Variants in DNM3 observed in about 807,000 individuals in gnomAD.
The protein encoded by DNM3 is dynamin 3.
In DNM3, 47 loss-of-function variants were observed where a neutral mutation model predicts 101.6. The ratio of observed to expected loss-of-function variants is 0.46; its 90% CI spans 0.37 to 0.59. The LOEUF (loss-of-function observed/expected upper bound fraction) is 0.59, where lower values mean the gene tolerates loss of function less well. Ranked by LOEUF, DNM3 falls within the 20% of genes least tolerant of loss-of-function variation. The pLI, the probability that DNM3 is intolerant of heterozygous loss-of-function variation, is 0.00. For synonymous variants in DNM3, 385 were observed against 387.9 expected (o/e 0.99, Z 0.09); for missense variants, 849 against 1,085.7 (o/e 0.78, Z 3.06).
intron 10 of DNM3, among the ~76,000 whole-genome samples, chr1:172,064,211 G>A (rs1030633735): frequency 6.6e-5 from 10 of 152,022 alleles, no homozygotes; most frequent in African/African-American, 2.4e-4. Flanking sequence ...GAGGAATAAA[G>A]GCCTAAAGAC....
At chr1:172,266,728 C>G (rs1014600563) in intron 15 of DNM3, among the ~76,000 whole-genome samples, 1 of 152,112 alleles carries the variant, frequency 6.6e-6, no homozygotes, top group African/African-American at 2.4e-5. Context: ...ACCCACACCC[C>G]CCTTGGAGTG....
At chr1:171,853,175 T>C (rs2033176244) in intron 1 of DNM3, among the ~76,000 whole-genome samples, 1 of 152,080 alleles carries the variant, frequency 6.6e-6, no homozygotes, top group Admixed American at 6.6e-5. Flanking sequence ...TTATTCTTTT[T>C]TTTTTTGAGA....
chr1:172,044,508 G>A, intron 9 of DNM3, 56 bp downstream of exon 9: 1 of 1,427,898 alleles, frequency 7.0e-7, no homozygotes. Context: ...GAAAATTAAT[G>A]TTTATAAATG....
chr1:172,104,884 T>C (rs2054900565), intron 13 of DNM3, among the ~76,000 whole-genome samples: 1 of 152,202 alleles, frequency 6.6e-6, no homozygotes, highest in Non-Finnish European at 1.5e-5. Context: ...GCTAAGAGCA[T>C]AGAATCTGCA....
chr1:171,954,756 G>A (rs985151371), intron 2 of DNM3, among the ~76,000 whole-genome samples: 1 of 152,152 alleles, frequency 6.6e-6, no homozygotes, highest in African/African-American at 2.4e-5. Context: ...GGAGATGGAG[G>A]ATTTTTAATG....
At chr1:172,293,146 A>C (rs1366774821) in intron 15 of DNM3, among the ~76,000 whole-genome samples, 2 of 152,250 alleles carry the variant, frequency 1.3e-5, no homozygotes, top group Non-Finnish European at 2.9e-5. Flanking sequence ...TGATTCAATA[A>C]TTGTGCAAAG....
At chr1:172,047,724 T>G (rs577530229) in intron 9 of DNM3, among the ~76,000 whole-genome samples, 1 of 151,976 alleles carries the variant, frequency 6.6e-6, no homozygotes, top group Non-Finnish European at 1.5e-5. Flanking sequence ...CAAGTCAAGA[T>G]AGTATAAGGG....
Position 172,347,196 on chromosome 1 carries a change from C to T in DNM3, c.1893+23856C>T, listed in dbSNP as rs574324116. ...CACCCTCAGAGGAACTAGCAGAAGC[C>T]CCCCCCGCCAAAAAAAATTATTTCC... On this transcript the variant is annotated intron_variant, in intron 17 of 20. Transcript: ENST00000627582. Among the ~76,000 whole-genome samples, 32 of 146,562 alleles carry T rather than the reference C, an allele frequency of 2.2e-4. 1 individual carries two copies. In the East Asian group the frequency reaches 4.6e-3, roughly 21 times the overall value.
intron 9 of DNM3, among the ~76,000 whole-genome samples, chr1:172,044,989 A>C: frequency 9.1e-6 from 1 of 110,090 alleles, no homozygotes; most frequent in East Asian, 2.8e-4. Context: ...AGAGGATGGA[A>C]GGATGGAATG....
intron 13 of DNM3, among the ~76,000 whole-genome samples, chr1:172,128,608 T>G (rs186177300): frequency 8.9e-4 from 136 of 152,344 alleles, no homozygotes; most frequent in African/African-American, 2.6e-3. Context: ...TGTTTTAAAT[T>G]AATGAGATAT....
chr1:171,920,278 T>C (rs906927147), intron 1 of DNM3, among the ~76,000 whole-genome samples: 6 of 152,240 alleles, frequency 3.9e-5, no homozygotes, highest in Non-Finnish European at 8.8e-5. Context: ...CTGCTGTTCA[T>C]TGAAATCCCA....
chr1:171,994,173 T>A (rs1333768500), intron 4 of DNM3, among the ~76,000 whole-genome samples: 1 of 152,144 alleles, frequency 6.6e-6, no homozygotes, highest in East Asian at 1.9e-4. Context: ...TATCTTAAAA[T>A]TTTTTTGTTG....
intron 20 of DNM3, chr1:172,418,254 T>C (rs1188823299): frequency 1.6e-6 from 2 of 1,271,548 alleles, no homozygotes; most frequent in Non-Finnish European, 2.1e-6. Context: ...TTTGTTATTT[T>C]GTTTTGTTTT....
At chr1:172,034,861 T>C (rs2048847992) in intron 6 of DNM3, among the ~76,000 whole-genome samples, 1 of 152,092 alleles carries the variant, frequency 6.6e-6, no homozygotes, top group South Asian at 2.1e-4. Flanking sequence ...ATGTAGGCAG[T>C]GGCTGAATCC....
At chr1:172,105,287 A>G (rs1258642674) in intron 13 of DNM3, among the ~76,000 whole-genome samples, 5 of 152,198 alleles carry the variant, frequency 3.3e-5, no homozygotes, top group Admixed American at 1.3e-4. Context: ...ATGCAGTTCT[A>G]CAGCAACCCT....
At chr1:171,886,958 T>C (rs902556195) in intron 1 of DNM3, among the ~76,000 whole-genome samples, 2 of 152,352 alleles carry the variant, frequency 1.3e-5, no homozygotes, top group East Asian at 3.9e-4. Context: ...CCTTTGGTTA[T>C]AGTAAAATTG....
At chr1:171,953,420 CTT>C (rs749644835) in intron 2 of DNM3, among the ~76,000 whole-genome samples, 80 of 128,944 alleles carry the variant, frequency 6.2e-4, no homozygotes, top group African/African-American at 1.2e-3. Context: ...ATGCGCAATT[CTT>C]TTTTTTTTTT....
At chr1:171,856,442 G>T (rs2033620054) in intron 1 of DNM3, among the ~76,000 whole-genome samples, 1 of 152,096 alleles carries the variant, frequency 6.6e-6, no homozygotes, top group Admixed American at 6.5e-5. Flanking sequence ...GAATAATATT[G>T]AATCTATAAA....
At chr1:172,006,653 T>G (rs1254319390) in intron 4 of DNM3, among the ~76,000 whole-genome samples, 1 of 152,098 alleles carries the variant, frequency 6.6e-6, no homozygotes, top group Non-Finnish European at 1.5e-5. Flanking sequence ...TTCAACTTAT[T>G]GTGGTTACCT....
Sources: gnomAD v4.1 joint callset for allele counts (sites outside exome capture counted in the v4.1 genomes callset) on GRCh38, gnomAD v4.1.1 for gene constraint, MANE v1.5 for transcripts, NCBI Gene and HGNC (gene_info 2026-07-23, HGNC 2026-07-21) for gene names.